The following AGPAT5 variants were observed in gnomAD, a reference collection of about 807,000 sequenced individuals.
AGPAT5 encodes 1-acylglycerol-3-phosphate O-acyltransferase 5.
A neutral mutation model predicts 45.6 loss-of-function variants in AGPAT5; 46 were observed. That is an observed-to-expected ratio of 1.01 (90% CI 0.80 to 1.29). The LOEUF (loss-of-function observed/expected upper bound fraction) is 1.29, where lower values mean the gene tolerates loss of function less well. Among genes scored for constraint, AGPAT5 ranks in the 50% most tolerant of loss-of-function variants. The pLI, the probability that AGPAT5 is intolerant of heterozygous loss-of-function variation, is 0.00. For synonymous variants in AGPAT5, 272 were observed against 167.0 expected (o/e 1.63, Z -4.85); for missense variants, 673 against 450.7 (o/e 1.49, Z -4.47).
At chr8:6,736,288 A>G (rs963844582) in intron 4 of AGPAT5, among the ~76,000 whole-genome samples, 1 of 152,224 alleles carries the variant, frequency 6.6e-6, no homozygotes, top group African/African-American at 2.4e-5. Context: ...CAGGTTTTCC[A>G]CTAATGTCCT....
At chr8:6,732,804 A>G (rs900506644) in intron 4 of AGPAT5, among the ~76,000 whole-genome samples, 154 bp downstream of exon 4, 1 of 152,238 alleles carries the variant, frequency 6.6e-6, no homozygotes, top group Non-Finnish European at 1.5e-5. Flanking sequence ...CTCTATGTAC[A>G]GGTAGGCAGG....
chr8:6,709,240 G>A (rs1414652812), intron 1 of AGPAT5: 6 of 341,202 alleles, frequency 1.8e-5, no homozygotes, highest in African/African-American at 6.7e-5. Context: ...AGGTGGTCAT[G>A]TTGGAACAGA....
rs146211876 is a variant in AGPAT5 at position 6,758,646 on chromosome 8, C to T, written c.*1258C>T. The T allele has an allele frequency of 1.1e-4, 17 of 152,668 alleles. No homozygotes were observed. The highest frequency in any genetic ancestry group is 1.3e-4 in the Admixed American group (2 of 15,296). The allele number at this position is 152,668 out of a possible 1,614,324, so 9.5% of individuals were successfully genotyped here. ...TGACTGAACGAATTTGTTTATTTCC[C>T]ATTAGGTTTAGTGGAGCTACACATT... On this transcript the variant is annotated 3_prime_UTR_variant, in exon 8 of 8. Transcript: ENST00000285518.
chr8:6,742,604 G>C (rs1801277246), intron 5 of AGPAT5, among the ~76,000 whole-genome samples: 1 of 152,204 alleles, frequency 6.6e-6, no homozygotes, highest in Admixed American at 6.5e-5. Context: ...GTTCTGTCCA[G>C]TGTGCTGGCT....
chr8:6,717,056 C>T (rs1159077516), intron 1 of AGPAT5, among the ~76,000 whole-genome samples: 1 of 152,104 alleles, frequency 6.6e-6, no homozygotes, highest in Non-Finnish European at 1.5e-5. Context: ...AACATGACTC[C>T]ACCCTCAAGA....
rs186845750 is a variant in AGPAT5 at position 6,732,116 on chromosome 8, G to A, written c.406-445G>A. Reference sequence around the variant, plus strand: ...GATTTGGGGGAACACACTTCTGTCCGTAACAGTGCCACATAAATATCTTTA... The same window carrying A: ...GATTTGGGGGAACACACTTCTGTCCATAACAGTGCCACATAAATATCTTTA... On this transcript the variant is annotated intron_variant, in intron 3 of 7. Transcript: ENST00000285518. 1.7e-4 allele frequency among the ~76,000 whole-genome samples: 26 copies of A among 152,290 alleles called. No individual in the cohort carries two copies. The East Asian group carries it at 2.3e-3, about 14-fold the overall frequency.
At chr8:6,731,847 C>T (rs1408928381) in intron 3 of AGPAT5, among the ~76,000 whole-genome samples, 1 of 152,158 alleles carries the variant, frequency 6.6e-6, no homozygotes, top group East Asian at 1.9e-4. Context: ...TCTCCCAAGG[C>T]CTCTCTCCCA....
chr8:6,746,686 C>T lies in AGPAT5; in HGVS notation c.587-984C>T, dbSNP rs141515012. On this transcript the variant is annotated intron_variant, in intron 5 of 7. Transcript: ENST00000285518. ...GGGAATCTTTGTCTTTCCCACACCA[C>T]CCTGCATTTTAAAACCTCTTGTGTG... 1.2e-4 allele frequency among the ~76,000 whole-genome samples: 19 copies of T among 152,304 alleles called. No individual in the cohort carries two copies. In the East Asian group the frequency reaches 3.5e-3, roughly 28 times the overall value.
At chr8:6,711,770 T>G (rs2116844740) in intron 1 of AGPAT5, among the ~76,000 whole-genome samples, 1 of 152,330 alleles carries the variant, frequency 6.6e-6, no homozygotes. Context: ...TTCTGGTGAC[T>G]GGTGGCATTC....
chr8:6,709,268 C>G (rs1487783863), intron 1 of AGPAT5: 1 of 248,756 alleles, frequency 4.0e-6, no homozygotes, highest in Non-Finnish European at 8.0e-6. Context: ...CGTCTACACT[C>G]CGAAGTGCGC....
chr8:6,709,563 A>T (rs1368394123), intron 1 of AGPAT5: 2 of 8,256 alleles, frequency 2.4e-4, no homozygotes, highest in African/African-American at 3.2e-3. Flanking sequence ...GAAGTGTTAT[A>T]AAAAAAAAAA....
At chr8:6,721,063 A>G (rs917332379) in intron 1 of AGPAT5, among the ~76,000 whole-genome samples, 2 of 152,238 alleles carry the variant, frequency 1.3e-5, no homozygotes, top group African/African-American at 2.4e-5. Flanking sequence ...CATTTATTGC[A>G]TGATAATTGT....
intron 1 of AGPAT5, among the ~76,000 whole-genome samples, chr8:6,720,320 G>C (rs1360667132): frequency 6.6e-6 from 1 of 152,138 alleles, no homozygotes; most frequent in Non-Finnish European, 1.5e-5. Context: ...TGCAAAAATA[G>C]ATAGAGATAG....
At chr8:6,743,442 C>A (rs1405621929) in intron 5 of AGPAT5, among the ~76,000 whole-genome samples, 2 of 152,194 alleles carry the variant, frequency 1.3e-5, no homozygotes, top group Non-Finnish European at 2.9e-5. Context: ...ATTTATCCTT[C>A]CATGCATACA....
At chr8:6,731,024 A>G (rs1563291872) in intron 3 of AGPAT5, among the ~76,000 whole-genome samples, 198 bp downstream of exon 3, 1 of 151,708 alleles carries the variant, frequency 6.6e-6, no homozygotes, top group Admixed American at 6.6e-5. Flanking sequence ...GCCCACCATC[A>G]TGCCCGGCTA....
chr8:6,709,476 T>A (rs1435280825), intron 1 of AGPAT5: 1 of 152,602 alleles, frequency 6.6e-6, no homozygotes, highest in Non-Finnish European at 1.5e-5. Context: ...ACTGTTTCTC[T>A]GTAGAGATTG....
chr8:6,745,886 C>T (rs1053398807), intron 5 of AGPAT5: 1 of 152,170 alleles, frequency 6.6e-6, no homozygotes, highest in East Asian at 1.9e-4. Flanking sequence ...CCAACTACTT[C>T]TAGAATGTTT....
intron 1 of AGPAT5, among the ~76,000 whole-genome samples, chr8:6,711,716 C>T (rs1800160602): frequency 6.6e-6 from 1 of 152,146 alleles, no homozygotes; most frequent in African/African-American, 2.4e-5. Flanking sequence ...CAATTTTACT[C>T]CCTCTGGAGG....
intron 1 of AGPAT5, among the ~76,000 whole-genome samples, chr8:6,718,655 T>C (rs1559744): frequency 0.59 from 90,263 of 151,964 alleles, 27,062 homozygotes; most frequent in East Asian, 0.68. Flanking sequence ...CTAGTATTTT[T>C]ACAAATTTCA....
Sources: allele counts gnomAD v4.1 joint callset (sites outside exome capture counted in the v4.1 genomes callset), GRCh38; gene constraint gnomAD v4.1.1; transcripts MANE v1.5; gene names NCBI Gene and HGNC (gene_info 2026-07-23, HGNC 2026-07-21).